Variants in ZSWIM5 observed in about 807,000 individuals in gnomAD.
The protein encoded by ZSWIM5 is zinc finger SWIM domain-containing protein 5.
In ZSWIM5, 55 loss-of-function variants were observed where a neutral mutation model predicts 119.6. The observed-to-expected ratio is 0.46, with a 90% CI of 0.37 to 0.58. The LOEUF (loss-of-function observed/expected upper bound fraction) is 0.58, where lower values mean the gene tolerates loss of function less well. ZSWIM5 is among the 20% of genes least tolerant of loss of function. The pLI, the probability that ZSWIM5 is intolerant of heterozygous loss-of-function variation, is 0.00. For synonymous variants in ZSWIM5, 537 were observed against 606.9 expected, an observed-to-expected ratio of 0.88 and a Z score of 1.69; for missense variants, 1,193 against 1,512.8, an observed-to-expected ratio of 0.79 and a Z score of 3.51.
At chr1:45,071,711 G>A (rs1162703748) in intron 2 of ZSWIM5, among the ~76,000 whole-genome samples, 1 of 151,850 alleles carries the variant, frequency 6.6e-6, no homozygotes, top group African/African-American at 2.4e-5. Context: ...TGCCTGCTTC[G>A]ACCTCCCAAA....
chr1:45,206,480 C>G lies in ZSWIM5; in HGVS notation c.-130G>C. 8.5e-7 allele frequency: 1 copy of G among 1,178,458 alleles called. No homozygotes were observed. The highest frequency in any genetic ancestry group is 1.0e-6 in the Non-Finnish European group (1 of 954,406). 73.0% of individuals were successfully genotyped at this position (1,178,458 alleles called of 1,614,324 possible). A position where few individuals can be genotyped will look rare whatever the true frequency, so the allele number is the denominator to read the frequency against. ...GAGGGGGGCGGGGCGAGAGAACCCG[C>G]GAGCCAGCCGGCCCGAGTGGGGAAC... On this transcript the variant is annotated 5_prime_UTR_variant, in exon 1 of 14. Coordinates refer to ENST00000359600, the MANE Select transcript of ZSWIM5 (RefSeq NM_020883.2).
intron 1 of ZSWIM5, among the ~76,000 whole-genome samples, chr1:45,109,452 A>T (rs557835602): frequency 2.0e-5 from 3 of 152,208 alleles, no homozygotes; most frequent in African/African-American, 7.2e-5. Flanking sequence ...TGCTAAAAAG[A>T]AGGTTATTCC....
intron 1 of ZSWIM5, among the ~76,000 whole-genome samples, chr1:45,150,128 C>A (rs1194126575): frequency 6.9e-6 from 1 of 144,212 alleles, no homozygotes; most frequent in Non-Finnish European, 1.5e-5. Context: ...TCTGATCACA[C>A]TACTGCATTC....
In ZSWIM5 at chr1:45,040,527, T is replaced by C; in HGVS notation, c.1621A>G (p.Thr541Ala). 1 of 1,602,810 alleles carries C rather than the reference T, an allele frequency of 6.2e-7. No individual in the cohort carries two copies. The highest frequency in any genetic ancestry group is 8.5e-7 in the Non-Finnish European group (1 of 1,175,878). The change falls in exon 7 of 14, where the codon ACA becomes GCA. Residue 541 changes from threonine (T) to alanine (A), a missense_variant. By Grantham distance (58) the Thr-to-Ala change is moderately conservative (BLOSUM62 0). Around this residue, in one of 2 missense-constraint regions of ZSWIM5, gnomAD observed 961 missense variants for 1,290.0 expected, o/e 0.74. Coordinates refer to ENST00000359600, the MANE Select transcript of ZSWIM5 (RefSeq NM_020883.2). ...GQPLWLEHVP[T>A]ACARVDALRS... ...AGGGCGTCAACTCGAGCACAGGCTG[T>C]AGGCACATGCTCTACCAAGTAAGAA...
chr1:45,115,599 C>T (rs1455876506), intron 1 of ZSWIM5, among the ~76,000 whole-genome samples: 2 of 150,708 alleles, frequency 1.3e-5, no homozygotes, highest in Non-Finnish European at 3.0e-5. Flanking sequence ...CAGAGACGCT[C>T]GTCACTTCCC....
At chr1:45,146,961 T>C (rs541156515) in intron 1 of ZSWIM5, among the ~76,000 whole-genome samples, 2 of 152,292 alleles carry the variant, frequency 1.3e-5, no homozygotes, top group South Asian at 2.1e-4. Context: ...GGCTGAGAAA[T>C]ACAGTTCTGT....
At chr1:45,106,491 CGCTCTT>C (rs1557767855) in intron 1 of ZSWIM5, among the ~76,000 whole-genome samples, 15 of 144,954 alleles carry the variant, frequency 1.0e-4, no homozygotes, top group Non-Finnish European at 1.7e-4. Flanking sequence ...TCTGCCCGGC[CGCTCTT>C]ACTCTGGGAG....
chr1:45,048,073 T>C (rs1365024369), intron 5 of ZSWIM5, among the ~76,000 whole-genome samples: 1 of 24,774 alleles, frequency 4.0e-5, no homozygotes, highest in Non-Finnish European at 7.4e-5. Context: ...TTCTTTCCTT[T>C]TCTTTTCTCT....
At chr1:45,205,702 G>A (rs1557799203) in intron 1 of ZSWIM5, 54 bp downstream of exon 1, 7 of 1,450,294 alleles carry the variant, frequency 4.8e-6, no homozygotes, top group Non-Finnish European at 6.4e-6. Context: ...GCCGAGAAGA[G>A]GCACCCGCGG....
At position 45,042,402 on chromosome 1, in the gene ZSWIM5, G is replaced by A. The variant is rs147201482; in HGVS notation, c.1609+817C>T. ...TCTTTCACATGCTTATTAGATTTAC[G>A]TTTCAGAAGTGCTGGATCACAGGAG... On this transcript the variant is annotated intron_variant, in intron 6 of 13. Coordinates refer to ENST00000359600, the MANE Select transcript of ZSWIM5 (RefSeq NM_020883.2). Among the ~76,000 whole-genome samples, 19 of 152,208 alleles carry A rather than the reference G, an allele frequency of 1.2e-4. No individual in the cohort carries two copies. In the East Asian group the frequency reaches 3.1e-3, roughly 25 times the overall value.
At chr1:45,097,332 G>C (rs1054310025) in intron 1 of ZSWIM5, among the ~76,000 whole-genome samples, 1 of 152,088 alleles carries the variant, frequency 6.6e-6, no homozygotes, top group Non-Finnish European at 1.5e-5. Context: ...CTCCAAATAA[G>C]GAAATTCTAT....
At chr1:45,164,734 T>C (rs1269353968) in intron 1 of ZSWIM5, among the ~76,000 whole-genome samples, 1 of 152,176 alleles carries the variant, frequency 6.6e-6, no homozygotes, top group East Asian at 1.9e-4. Context: ...CATTACATAA[T>C]GGTAAAGGGA....
At chr1:45,156,569 G>T (rs192431505) in intron 1 of ZSWIM5, among the ~76,000 whole-genome samples, 30 of 152,110 alleles carry the variant, frequency 2.0e-4, no homozygotes, top group African/African-American at 7.0e-4. Context: ...TCTGGAGGAG[G>T]AGGACTTTGA....
chr1:45,081,043 T>A (rs533824899), intron 2 of ZSWIM5, among the ~76,000 whole-genome samples: 1 of 152,318 alleles, frequency 6.6e-6, no homozygotes, highest in African/African-American at 2.4e-5. Flanking sequence ...CCTGCTGTTT[T>A]AGGTTTGTTT....
chr1:45,046,067 G>A (rs958581786), intron 5 of ZSWIM5, among the ~76,000 whole-genome samples: 1 of 152,016 alleles, frequency 6.6e-6, no homozygotes, highest in Non-Finnish European at 1.5e-5. Flanking sequence ...GAGAATCACA[G>A]GAGATGAGGT....
intron 1 of ZSWIM5, among the ~76,000 whole-genome samples, chr1:45,155,304 T>G (rs1306357828): frequency 1.3e-5 from 2 of 151,304 alleles, no homozygotes; most frequent in Non-Finnish European, 3.0e-5. Flanking sequence ...ATCAGAAAAA[T>G]GCAAATCAAA....
chr1:45,092,154 G>T (rs1317656177), intron 1 of ZSWIM5, among the ~76,000 whole-genome samples: 1 of 152,122 alleles, frequency 6.6e-6, no homozygotes, highest in East Asian at 1.9e-4. Context: ...ATCTTACAAA[G>T]CAAAGGTCTT....
chr1:45,205,684 G>A (rs1570221353), intron 1 of ZSWIM5, 72 bp downstream of exon 1: 1 of 1,389,944 alleles, frequency 7.2e-7, no homozygotes, highest in South Asian at 1.3e-5. Flanking sequence ...CTCGGCCCCA[G>A]GGCTCGGGCC....
At position 45,192,572 on chromosome 1, in the gene ZSWIM5, G is replaced by A. The variant is rs192098803; in HGVS notation, c.595+13184C>T. Among the ~76,000 whole-genome samples, 266 of 152,244 alleles carry A rather than the reference G, an allele frequency of 1.7e-3. 5 individuals are homozygous for A. The highest frequency in any genetic ancestry group is 6.0e-4 in the Non-Finnish European group (41 of 68,016). ...CCATTCATCTGTCGATGGACACTTGGGTTGTTTCCATCTTCTGCCTATTGT... is the reference window on the plus strand; with the variant it reads ...CCATTCATCTGTCGATGGACACTTGAGTTGTTTCCATCTTCTGCCTATTGT... On this transcript the variant is annotated intron_variant, in intron 1 of 13. Transcript: ENST00000359600.
Sources: gnomAD v4.1 joint callset for allele counts (sites outside exome capture counted in the v4.1 genomes callset) on GRCh38, gnomAD v4.1.1 for gene constraint, gnomAD v4.1.1 regional missense constraint, MANE v1.5 for transcripts, NCBI Gene and HGNC (gene_info 2026-07-23, HGNC 2026-07-21) for gene names.